HEPHL1: variants seen among roughly 807,000 people sequenced by gnomAD.
HEPHL1 encodes the protein hephaestin like 1, also known as ferroxidase HEPHL1.
In HEPHL1, 123 loss-of-function variants were observed where a neutral mutation model predicts 122.0. The ratio of observed to expected loss-of-function variants is 1.01; its 90% confidence interval spans 0.87 to 1.17. HEPHL1 has a LOEUF of 1.17. Among genes scored for constraint, HEPHL1 ranks in the 50% most tolerant of loss-of-function variants. HEPHL1 has a pLI of 0.00. For synonymous variants in HEPHL1, 527 were observed against 508.9 expected (o/e 1.04, Z -0.48); for missense variants, 1,452 against 1,430.5 (o/e 1.01, Z -0.24).
At chr11:94,042,662 G>A (rs1945792604) in intron 1 of HEPHL1, among the ~76,000 whole-genome samples, 3 of 146,766 alleles carry the variant, frequency 2.0e-5, no homozygotes, top group African/African-American at 7.6e-5. Context: ...ACTCATAGGT[G>A]GGAATTGAAC....
rs73551201 is a variant in HEPHL1, at chr11:94,064,373, G to A, written c.671G>A (p.Arg224Gln). The A allele has an allele frequency of 2.2e-3, 3,562 of 1,613,128 alleles. 72 individuals are homozygous for A. The African/African-American group carries it at 0.04, about 18-fold the overall frequency. ...RYSGTRNDVD[R>Q]EFVIMFTLVD... is the part of the protein sequence containing the mutation. ...TCAGGGACACGGAATGATGTGGATC[G>A]AGAGTTTGTTATAATGTTTACTCTT... is the stretch of plus-strand genomic sequence containing the variant. Residue 224 changes from arginine to glutamine, a missense_variant, in exon 4 of 20, where the codon CGA (arginine) becomes CAA (glutamine). Physicochemically the swap from Arg to Gln is conservative, Grantham distance 43. Coordinates refer to ENST00000315765, the MANE Select transcript of HEPHL1 (RefSeq NM_001098672.2).
In HEPHL1 at chr11:94,113,007, G is replaced by A. The variant is rs908361299; in HGVS notation, c.*1113G>A. 3 of 152,054 alleles carry A rather than the reference G, an allele frequency of 2.0e-5. No homozygotes were observed. Among genetic ancestry groups the A allele is most frequent in the African/African-American group, 7.3e-5 (3 of 41,378 alleles). 9.4% of individuals were successfully genotyped at this position (152,054 alleles called of 1,614,324 possible). A position where few individuals can be genotyped will look rare whatever the true frequency, so the allele number is the denominator to read the frequency against. ...TTCATGGAAGGAGAAAAAAGGAAAA[G>A]GAAAGGTGAGAAAAAGATAATCTTG... On this transcript the variant is annotated 3_prime_UTR_variant, in exon 20 of 20. Transcript: ENST00000315765.
At chr11:94,024,795 C>A (rs1345728300) in intron 1 of HEPHL1, among the ~76,000 whole-genome samples, 1 of 152,034 alleles carries the variant, frequency 6.6e-6, no homozygotes, top group Non-Finnish European at 1.5e-5. Context: ...AGTAAAACAC[C>A]CTGATGATAG....
rs151180729 is a variant in HEPHL1 at position 94,065,138 on chromosome 11, C to T, written c.808+628C>T. Among the ~76,000 whole-genome samples the T allele has an allele frequency of 8.1e-4, 124 of 152,298 alleles. 1 individual carries two copies. Among genetic ancestry groups the T allele is most frequent in the Non-Finnish European group, 1.5e-3 (104 of 68,030 alleles). Reference sequence around the variant, plus strand: ...TCATGCCTGTTTTGCAAAGCAGTAGCTTAATGTAGCATTTTAGGATTTTCT... The same window carrying T: ...TCATGCCTGTTTTGCAAAGCAGTAGTTTAATGTAGCATTTTAGGATTTTCT... On this transcript the variant is annotated intron_variant, in intron 4 of 19. Transcript: ENST00000315765.
chr11:94,036,228 C>T (rs966683981), intron 1 of HEPHL1, among the ~76,000 whole-genome samples: 4 of 152,152 alleles, frequency 2.6e-5, no homozygotes, highest in Non-Finnish European at 5.9e-5. Flanking sequence ...GGGTCTGTCT[C>T]TGGACAGAAT....
chr11:94,098,106 A>T (rs945593697), intron 13 of HEPHL1, among the ~76,000 whole-genome samples: 5 of 152,194 alleles, frequency 3.3e-5, no homozygotes, highest in Non-Finnish European at 7.3e-5. Flanking sequence ...GTTTCTTCCT[A>T]GCATCGATGA....
chr11:94,045,569 C>T (rs1207933641), intron 1 of HEPHL1, 104 bp from the exon 2 acceptor site: 3 of 983,008 alleles, frequency 3.1e-6, no homozygotes, highest in South Asian at 1.7e-5. Flanking sequence ...ATAGTGAACA[C>T]CAAATGAGAG....
Position 94,045,912 on chromosome 11 carries a change from C to T in HEPHL1, c.410C>T (p.Ser137Leu). 2 of 1,613,528 alleles carry T rather than the reference C, an allele frequency of 1.2e-6. No homozygotes were observed. The highest frequency in any genetic ancestry group is 1.7e-6 in the Non-Finnish European group (2 of 1,179,732). Reference protein sequence around the residue: ...HPHGVFYNKDSEGALYPDGTS... With the variant: ...HPHGVFYNKDLEGALYPDGTS... The stretch of plus-strand genomic sequence containing the variant: ...CATGGCGTTTTCTACAACAAAGATT[C>T]AGAAGGTAAATATCAATCCTTTATT... The change falls in exon 2 of 20, where the codon TCA (serine) becomes TTA (leucine). Residue 137 changes from serine (S) to leucine (L), a missense_variant. Physicochemically the swap from Ser to Leu is moderately radical, Grantham distance 145 (BLOSUM62 -2). Coordinates refer to ENST00000315765, the MANE Select transcript of HEPHL1 (RefSeq NM_001098672.2).
At chr11:94,042,034 A>AG (rs1414516782) in intron 1 of HEPHL1, among the ~76,000 whole-genome samples, 1 of 13,238 alleles carries the variant, frequency 7.6e-5, no homozygotes, top group Non-Finnish European at 1.5e-4. Context: ...ACAAGAAAAA[A>AG]ACAAACAACC....
At chr11:94,029,220 G>T (rs1289922472) in intron 1 of HEPHL1, among the ~76,000 whole-genome samples, 4 of 152,198 alleles carry the variant, frequency 2.6e-5, no homozygotes, top group Admixed American at 2.6e-4. Flanking sequence ...TCCTACTCTT[G>T]ATGTGGAGTC....
chr11:94,081,121 C>A (rs942432022), intron 9 of HEPHL1, among the ~76,000 whole-genome samples: 1 of 152,086 alleles, frequency 6.6e-6, no homozygotes, highest in African/African-American at 2.4e-5. Flanking sequence ...GCCATAAAAA[C>A]GAATGAGATC....
At chr11:94,034,345 T>G (rs1945702608) in intron 1 of HEPHL1, among the ~76,000 whole-genome samples, 1 of 152,178 alleles carries the variant, frequency 6.6e-6, no homozygotes, top group Non-Finnish European at 1.5e-5. Flanking sequence ...GTCTGCAGGG[T>G]GGGCAAAGCC....
intron 10 of HEPHL1, among the ~76,000 whole-genome samples, chr11:94,084,784 T>C (rs1490680631): frequency 3.3e-5 from 5 of 152,190 alleles, no homozygotes; most frequent in Admixed American, 3.3e-4. Flanking sequence ...ATCAAAGATT[T>C]TTTTTTCATA....
chr11:94,107,349 T>C (rs1226869576), intron 17 of HEPHL1, among the ~76,000 whole-genome samples: 2 of 152,282 alleles, frequency 1.3e-5, no homozygotes, highest in East Asian at 1.9e-4. Context: ...TTAAAAATTA[T>C]ATTAAAAATT....
chr11:94,105,098 A>G (rs761072844), intron 16 of HEPHL1, among the ~76,000 whole-genome samples: 1 of 152,212 alleles, frequency 6.6e-6, no homozygotes, highest in Non-Finnish European at 1.5e-5. Context: ...TTTAAGGGCC[A>G]GGTTTAATTG....
Position 94,023,283 on chromosome 11 carries a change from T to C in HEPHL1, c.170+1745T>C, listed in dbSNP as rs112146009. Among the ~76,000 whole-genome samples the C allele has an allele frequency of 6.8e-3, 1,038 of 152,332 alleles. 9 individuals are homozygous for C. Among genetic ancestry groups the C allele is most frequent in the African/African-American group, 0.024 (994 of 41,586 alleles). ...CTTTGAGGGAAGCCAAGGATCACAG[T>C]AATAAGAACTTTCTAGAAAGTCCTA... On this transcript the variant is annotated intron_variant, in intron 1 of 19. Coordinates refer to ENST00000315765, the MANE Select transcript of HEPHL1 (RefSeq NM_001098672.2).
chr11:94,089,631 C>A (rs553223173), intron 12 of HEPHL1, among the ~76,000 whole-genome samples: 2 of 152,146 alleles, frequency 1.3e-5, no homozygotes, highest in Non-Finnish European at 2.9e-5. Flanking sequence ...GTCCAGGAAC[C>A]AAGATCCCTA....
intron 1 of HEPHL1, among the ~76,000 whole-genome samples, chr11:94,031,267 C>T (rs1185935474): frequency 6.6e-6 from 1 of 151,554 alleles, no homozygotes; most frequent in Non-Finnish European, 1.5e-5. Context: ...AGTCTGGAGG[C>T]TACACTTTGT....
At chr11:94,049,550 T>C (rs1372829439) in intron 2 of HEPHL1, among the ~76,000 whole-genome samples, 1 of 148,760 alleles carries the variant, frequency 6.7e-6, no homozygotes, top group African/African-American at 2.5e-5. Context: ...TGCCAGACAC[T>C]GACTCCCAGG....
Sources: gnomAD v4.1 joint callset for allele counts (sites outside exome capture counted in the v4.1 genomes callset) on GRCh38, gnomAD v4.1.1 for gene constraint, MANE v1.5 for transcripts, NCBI Gene and HGNC (gene_info 2026-07-23, HGNC 2026-07-21) for gene names.